Variants in ULK4 observed in about 807,000 individuals in gnomAD.
The protein encoded by ULK4 is unc-51 like kinase 4, also known as inactive serine/threonine-protein kinase ULK4.
In ULK4, 133 loss-of-function variants were observed where a neutral mutation model predicts 160.6. The observed-to-expected ratio is 0.83, with a 90% CI of 0.72 to 0.96. ULK4 has a LOEUF of 0.96. ULK4 is among the 40% of genes least tolerant of loss of function. ULK4 has a pLI of 0.00. For missense variants in ULK4, 1,580 were observed against 1,499.5 expected, an observed-to-expected ratio of 1.05 and a Z score of -0.89; for synonymous variants, 534 against 539.8, an observed-to-expected ratio of 0.99 and a Z score of 0.15.
intron 32 of ULK4, among the ~76,000 whole-genome samples, chr3:41,514,979 G>A (rs1474562419): frequency 6.6e-6 from 1 of 152,170 alleles, no homozygotes; most frequent in African/African-American, 2.4e-5. Flanking sequence ...TGCTGGCTGT[G>A]CATGGTGGCT....
At chr3:41,844,111 T>G (rs891556859) in intron 17 of ULK4, among the ~76,000 whole-genome samples, 79 of 152,310 alleles carry the variant, frequency 5.2e-4, no homozygotes, top group African/African-American at 1.9e-3. Context: ...CTTCACCCAG[T>G]GGATCCCCCA....
chr3:41,746,272 CAAAAAAA>C (rs34582395), intron 22 of ULK4, among the ~76,000 whole-genome samples: 12,216 of 46,482 alleles, frequency 0.26, 658 homozygotes, highest in Middle Eastern at 0.5. Flanking sequence ...CTGGAACCCA[CAAAAAAA>C]AAAAAAAAAA....
chr3:41,661,673 G>A (rs2035172344), intron 30 of ULK4, among the ~76,000 whole-genome samples: 1 of 152,156 alleles, frequency 6.6e-6, no homozygotes, highest in Non-Finnish European at 1.5e-5. Context: ...GGGGGATGGA[G>A]AAGCCAAGGA....
At chr3:41,479,301 C>A (rs573612158) in intron 32 of ULK4, among the ~76,000 whole-genome samples, 6 of 152,280 alleles carry the variant, frequency 3.9e-5, no homozygotes. Flanking sequence ...GGTTCATTTG[C>A]AATACGCTAA....
At chr3:41,284,956 AAGATATAC>A (rs2079429513) in intron 35 of ULK4, among the ~76,000 whole-genome samples, 1 of 152,366 alleles carries the variant, frequency 6.6e-6, no homozygotes, top group Non-Finnish European at 1.5e-5. Context: ...TTCTCAAAAG[AAGATATAC>A]AAATGGCCAA....
At chr3:41,530,978 G>A (rs1231631887) in intron 32 of ULK4, among the ~76,000 whole-genome samples, 1 of 151,078 alleles carries the variant, frequency 6.6e-6, no homozygotes, top group Non-Finnish European at 1.5e-5. Context: ...TGGCCAAGAT[G>A]GTCTCGATCT....
At chr3:41,912,628 T>C (rs1327477003) in intron 9 of ULK4, among the ~76,000 whole-genome samples, 179 bp downstream of exon 9, 2 of 152,124 alleles carry the variant, frequency 1.3e-5, no homozygotes, top group Non-Finnish European at 2.9e-5. Context: ...ATATGCAAAA[T>C]CAAGAACATA....
intron 32 of ULK4, among the ~76,000 whole-genome samples, chr3:41,560,430 T>C (rs529620179): frequency 3.3e-5 from 5 of 152,338 alleles, no homozygotes; most frequent in East Asian, 1.9e-4. Context: ...GCGGATGACA[T>C]TGAATCTATA....
At chr3:41,540,539 TTGGG>T (rs1239001079) in intron 32 of ULK4, among the ~76,000 whole-genome samples, 1 of 152,228 alleles carries the variant, frequency 6.6e-6, no homozygotes, top group African/African-American at 2.4e-5. Context: ...TTATAATCCT[TTGGG>T]TATATACCCA....
intron 23 of ULK4, among the ~76,000 whole-genome samples, chr3:41,717,046 G>T (rs899019623): frequency 3.3e-5 from 5 of 152,096 alleles, no homozygotes; most frequent in African/African-American, 1.2e-4. Context: ...GCTGAGAAGG[G>T]TGAATGGATG....
At chr3:41,378,965 A>G (rs2081583492) in intron 35 of ULK4, among the ~76,000 whole-genome samples, 1 of 152,120 alleles carries the variant, frequency 6.6e-6, no homozygotes, top group African/African-American at 2.4e-5. Flanking sequence ...ACAGAAAACC[A>G]AACACTGCAT....
At chr3:41,248,930 G>C (rs1300004284) in intron 36 of ULK4, among the ~76,000 whole-genome samples, 1 of 152,224 alleles carries the variant, frequency 6.6e-6, no homozygotes, top group Non-Finnish European at 1.5e-5. Context: ...GGACTGGGAG[G>C]CTAGCCTAAC....
At chr3:41,508,398 G>A (rs1227109343) in intron 32 of ULK4, among the ~76,000 whole-genome samples, 1 of 152,088 alleles carries the variant, frequency 6.6e-6, no homozygotes, top group African/African-American at 2.4e-5. Context: ...GCGCTCTATG[G>A]CCCTGCCCAC....
chr3:41,282,608 T>A (rs1386732675), intron 35 of ULK4, among the ~76,000 whole-genome samples: 1 of 152,212 alleles, frequency 6.6e-6, no homozygotes, highest in African/African-American at 2.4e-5. Context: ...TGTAGAAAGC[T>A]GAAACTGGAT....
intron 22 of ULK4, among the ~76,000 whole-genome samples, chr3:41,726,333 A>G (rs1023230178): frequency 9.2e-5 from 14 of 152,206 alleles, no homozygotes; most frequent in African/African-American, 3.4e-4. Flanking sequence ...GCTCTCCCCA[A>G]TGCCTCCCCA....
Position 41,896,802 on chromosome 3 carries a change from G to T in ULK4, c.1530+20C>A, listed in dbSNP as rs1414112496. ...TAAAAACACAAATTAAAATGCATAAGGCATGTCACACAGGCTTACCAGGGG... is the reference window on the plus strand; with the variant it reads ...TAAAAACACAAATTAAAATGCATAATGCATGTCACACAGGCTTACCAGGGG... On this transcript the variant is annotated intron_variant, in intron 15 of 36. Transcript: ENST00000301831. 22 of 1,596,674 alleles carry T rather than the reference G, an allele frequency of 1.4e-5. No homozygotes were observed. Among genetic ancestry groups the T allele is most frequent in the Non-Finnish European group, 1.9e-5 (22 of 1,173,390 alleles).
chr3:41,541,710 G>A (rs2125953868), intron 32 of ULK4, among the ~76,000 whole-genome samples: 1 of 152,270 alleles, frequency 6.6e-6, no homozygotes, highest in East Asian at 1.9e-4. Context: ...ACCTTGAGCA[G>A]TGGTTTGTAG....
intron 2 of ULK4, among the ~76,000 whole-genome samples, chr3:41,953,310 T>TATATATAC (rs1700364646): frequency 1.1e-5 from 1 of 88,596 alleles, no homozygotes; most frequent in Admixed American, 1.3e-4. Flanking sequence ...ATATATTTTT[T>TATATATAC]TTTTTTTTTG....
chr3:41,811,700 G>A (rs936213613), intron 19 of ULK4, among the ~76,000 whole-genome samples: 1 of 152,126 alleles, frequency 6.6e-6, no homozygotes, highest in African/African-American at 2.4e-5. Flanking sequence ...AAATAGGTTA[G>A]AACACATTGG....
Sources: allele counts gnomAD v4.1 joint callset (sites outside exome capture counted in the v4.1 genomes callset), GRCh38; gene constraint gnomAD v4.1.1; transcripts MANE v1.5; gene names NCBI Gene and HGNC (gene_info 2026-07-23, HGNC 2026-07-21).